The following TRDN variants were observed in gnomAD, a reference collection of about 807,000 sequenced individuals.
The protein encoded by TRDN is triadin in skeletal muscle.
A neutral mutation model predicts 149.7 loss-of-function variants in TRDN; 161 were observed. The ratio of observed to expected loss-of-function variants is 1.08; its 90% CI spans 0.95 to 1.23. The LOEUF (loss-of-function observed/expected upper bound fraction) is 1.23, where lower values mean the gene tolerates loss of function less well. Among genes scored for constraint, TRDN ranks in the 50% most tolerant of loss-of-function variants. The pLI is 0.00. For synonymous variants in TRDN, 294 were observed against 250.5 expected (o/e 1.17, Z -1.64); for missense variants, 896 against 823.5 (o/e 1.09, Z -1.08).
At chr6:123,227,101 C>A (rs1775405063) in intron 38 of TRDN, among the ~76,000 whole-genome samples, 1 of 151,732 alleles carries the variant, frequency 6.6e-6, no homozygotes, top group Non-Finnish European at 1.5e-5. Flanking sequence ...AATTTCATAG[C>A]TAGTCAAGGT....
In TRDN at chr6:123,413,190, T is replaced by C. The variant is rs993014003; in HGVS notation, c.1052-19513A>G. ...GTGAAAAGGTCATTTAATGGTTTCATCTTTCTGTTCTCAACAAATTCCCAG... is the reference window on the plus strand; with the variant it reads ...GTGAAAAGGTCATTTAATGGTTTCACCTTTCTGTTCTCAACAAATTCCCAG... On this transcript the variant is annotated intron_variant, in intron 12 of 40. Coordinates refer to ENST00000334268, the MANE Select transcript of TRDN (RefSeq NM_006073.4). Among the ~76,000 whole-genome samples the C allele has an allele frequency of 4.6e-5, 7 of 152,326 alleles. No homozygotes were observed. In the East Asian group the frequency reaches 1.3e-3, roughly 29 times the overall value.
At chr6:123,353,869 A>G (rs1780557801) in intron 20 of TRDN, among the ~76,000 whole-genome samples, 1 of 151,804 alleles carries the variant, frequency 6.6e-6, no homozygotes, top group African/African-American at 2.4e-5. Context: ...AAAGCAAATA[A>G]ATATGTATGA....
At chr6:123,231,490 T>C (rs999488380) in intron 38 of TRDN, among the ~76,000 whole-genome samples, 1 of 151,936 alleles carries the variant, frequency 6.6e-6, no homozygotes, top group African/African-American at 2.4e-5. Context: ...GTATTAGGAA[T>C]ATAGAATGTT....
At chr6:123,387,650 C>T (rs1781958051) in intron 14 of TRDN, among the ~76,000 whole-genome samples, 1 of 152,126 alleles carries the variant, frequency 6.6e-6, no homozygotes, top group Non-Finnish European at 1.5e-5. Flanking sequence ...CAGAGACCCA[C>T]AGGAGTCCTT....
intron 40 of TRDN, 35 bp from the exon 41 acceptor site, chr6:123,218,775 G>T (rs545087552): frequency 6.5e-7 from 1 of 1,546,352 alleles, no homozygotes; most frequent in Non-Finnish European, 8.7e-7. Context: ...GTTAAAACAT[G>T]CAGAACATGA....
At chr6:123,236,629 A>G (rs1056578172) in intron 38 of TRDN, among the ~76,000 whole-genome samples, 2 of 152,192 alleles carry the variant, frequency 1.3e-5, no homozygotes, top group Non-Finnish European at 2.9e-5. Context: ...TGTGAGGTTA[A>G]GATAGCAGTT....
chr6:123,516,811 C>T (rs1779432283), intron 5 of TRDN, among the ~76,000 whole-genome samples: 1 of 152,086 alleles, frequency 6.6e-6, no homozygotes, highest in Admixed American at 6.6e-5. Flanking sequence ...ATACCTTAGT[C>T]ATAATTCTTA....
chr6:123,360,781 T>C (rs979534942), intron 20 of TRDN, among the ~76,000 whole-genome samples: 7 of 150,986 alleles, frequency 4.6e-5, no homozygotes, highest in Non-Finnish European at 8.9e-5. Flanking sequence ...GGAAAAGAAG[T>C]AATTTTAATC....
intron 20 of TRDN, among the ~76,000 whole-genome samples, chr6:123,353,614 T>C (rs1780549052): frequency 6.6e-6 from 1 of 151,656 alleles, no homozygotes; most frequent in Non-Finnish European, 1.5e-5. Flanking sequence ...TAACTGGTCC[T>C]GATCTTTGTA....
chr6:123,622,055 C>T (rs1008322695), intron 1 of TRDN, among the ~76,000 whole-genome samples: 3 of 152,018 alleles, frequency 2.0e-5, no homozygotes, highest in Admixed American at 1.3e-4. Flanking sequence ...AGTGCATATG[C>T]CTGGCTCTCT....
chr6:123,594,512 A>T (rs1783936295), intron 1 of TRDN, among the ~76,000 whole-genome samples: 1 of 152,034 alleles, frequency 6.6e-6, no homozygotes. Flanking sequence ...AAATATTTAC[A>T]ATAAAATGTT....
intron 24 of TRDN, among the ~76,000 whole-genome samples, chr6:123,294,593 G>C (rs980350077): frequency 6.6e-6 from 1 of 152,080 alleles, no homozygotes; most frequent in Non-Finnish European, 1.5e-5. Context: ...TTAACAATAG[G>C]GTTTGCACTC....
At position 123,218,512 on chromosome 6, in the gene TRDN, G is replaced by T. The variant is rs545923963; in HGVS notation, c.*89C>A. The T allele has an allele frequency of 6.9e-7, 1 of 1,445,854 alleles. No homozygotes were observed. Among genetic ancestry groups the T allele is most frequent in the Non-Finnish European group, 9.3e-7 (1 of 1,076,278 alleles). 89.6% of individuals were successfully genotyped at this position (1,445,854 alleles called of 1,614,324 possible). On this transcript the variant is annotated 3_prime_UTR_variant, in exon 41 of 41. Transcript: ENST00000334268. Reference sequence around the variant, plus strand: ...AAATGTTTTCACAGAAATTCTCTGGGTTGCATATTCTTAATTGCCTGAACT... The same window carrying T: ...AAATGTTTTCACAGAAATTCTCTGGTTTGCATATTCTTAATTGCCTGAACT...
chr6:123,250,441 C>T (rs1205632087), intron 38 of TRDN, among the ~76,000 whole-genome samples: 4 of 152,004 alleles, frequency 2.6e-5, no homozygotes, highest in South Asian at 2.1e-4. Context: ...TAAAAGGATT[C>T]GGAAAAAGAA....
intron 20 of TRDN, among the ~76,000 whole-genome samples, chr6:123,359,561 T>C (rs920128632): frequency 1.3e-5 from 2 of 152,076 alleles, no homozygotes; most frequent in Non-Finnish European, 2.9e-5. Context: ...TAGAAGACAA[T>C]GAAGGCTTGA....
chr6:123,440,180 G>A (rs560941146), intron 10 of TRDN, among the ~76,000 whole-genome samples: 1 of 152,200 alleles, frequency 6.6e-6, no homozygotes, highest in South Asian at 2.1e-4. Flanking sequence ...TTCAATGTTA[G>A]ACATATAATT....
intron 2 of TRDN, among the ~76,000 whole-genome samples, chr6:123,559,707 C>T (rs189124344): frequency 7.2e-5 from 11 of 152,334 alleles, no homozygotes; most frequent in African/African-American, 2.6e-4. Flanking sequence ...ACTCTCCTTA[C>T]AATTCCCCCG....
intron 4 of TRDN, among the ~76,000 whole-genome samples, chr6:123,538,832 GTTAA>G (rs1463803997): frequency 6.6e-6 from 1 of 152,010 alleles, no homozygotes; most frequent in Non-Finnish European, 1.5e-5. Context: ...GTTATCTCAG[GTTAA>G]TTCATTTTTT....
intron 1 of TRDN, among the ~76,000 whole-genome samples, chr6:123,619,731 T>A (rs1785282769): frequency 6.6e-6 from 1 of 151,792 alleles, no homozygotes; most frequent in Non-Finnish European, 1.5e-5. Flanking sequence ...CATCCATATA[T>A]GAAATAACAG....
Sources: gnomAD v4.1 joint callset for allele counts (sites outside exome capture counted in the v4.1 genomes callset) on GRCh38, gnomAD v4.1.1 for gene constraint, MANE v1.5 for transcripts, NCBI Gene and HGNC (gene_info 2026-07-23, HGNC 2026-07-21) for gene names.